The following NUSAP1 variants were observed in gnomAD, a reference collection of about 807,000 sequenced individuals.
The protein encoded by NUSAP1 is nucleolar and spindle associated protein 1.
NUSAP1 carries 32 observed loss-of-function variants against 52.8 expected under a neutral mutation model. The ratio of observed to expected loss-of-function variants is 0.61; its 90% CI spans 0.46 to 0.81. The LOEUF (loss-of-function observed/expected upper bound fraction) is 0.81. Ranked by LOEUF, NUSAP1 falls within the 40% of genes least tolerant of loss-of-function variation. NUSAP1 has a pLI of 0.00. For missense variants in NUSAP1, 499 were observed against 522.3 expected, an observed-to-expected ratio of 0.96 and a Z score of 0.43; for synonymous variants, 195 against 183.1, an observed-to-expected ratio of 1.06 and a Z score of -0.52.
rs192815121 is a variant in NUSAP1 at position 41,354,976 on chromosome 15, C to T, written c.449-1063C>T. Among the ~76,000 whole-genome samples, 1,488 of 150,250 alleles carry T rather than the reference C, an allele frequency of 9.9e-3. 13 individuals carry two copies. The highest frequency in any genetic ancestry group is 0.015 in the Non-Finnish European group (990 of 67,578). On this transcript the variant is annotated intron_variant, in intron 4 of 10. Coordinates refer to ENST00000559596, the MANE Select transcript of NUSAP1 (RefSeq NM_016359.5). ...TGGAGCTTGCAGTGAGCCGAGATCACGCCACTGCACTCCAGCCTGGGCGAA... is the reference window on the plus strand; with the variant it reads ...TGGAGCTTGCAGTGAGCCGAGATCATGCCACTGCACTCCAGCCTGGGCGAA...
chr15:41,357,756 A>C (rs1369841750), intron 5 of NUSAP1, among the ~76,000 whole-genome samples: 1 of 152,172 alleles, frequency 6.6e-6, no homozygotes, highest in Non-Finnish European at 1.5e-5. Flanking sequence ...AGTCTTAAAT[A>C]CTTTTATCTA....
At chr15:41,344,779 A>G (rs1011471837) in intron 2 of NUSAP1, among the ~76,000 whole-genome samples, 4 of 152,070 alleles carry the variant, frequency 2.6e-5, no homozygotes, top group African/African-American at 9.7e-5. Context: ...CGTCTCTACT[A>G]AAAATACAAA....
intron 6 of NUSAP1, among the ~76,000 whole-genome samples, chr15:41,364,413 G>A (rs929875646): frequency 1.3e-5 from 2 of 151,956 alleles, no homozygotes; most frequent in Non-Finnish European, 2.9e-5. Context: ...GAGTGTGGTG[G>A]TGGGTGCCTG....
intron 7 of NUSAP1, among the ~76,000 whole-genome samples, chr15:41,366,649 C>T (rs2049429968): frequency 6.6e-6 from 1 of 152,194 alleles, no homozygotes; most frequent in African/African-American, 2.4e-5. Flanking sequence ...ATTTCATTGA[C>T]TTGTCTGTAT....
chr15:41,341,547 C>T (rs941868049), intron 1 of NUSAP1, among the ~76,000 whole-genome samples: 9 of 152,136 alleles, frequency 5.9e-5, no homozygotes, highest in Admixed American at 2.0e-4. Context: ...TCTTAGGGAC[C>T]GTACCACACT....
At chr15:41,355,055 G>A (rs1466007107) in intron 4 of NUSAP1, among the ~76,000 whole-genome samples, 2 of 151,738 alleles carry the variant, frequency 1.3e-5, no homozygotes, top group Non-Finnish European at 1.5e-5. Flanking sequence ...TTGCTGTGTT[G>A]CCCAGGCTCG....
At position 41,363,099 on chromosome 15, in the gene NUSAP1, C is replaced by T. The variant is rs189925875; in HGVS notation, c.661-2303C>T. Among the ~76,000 whole-genome samples the T allele has an allele frequency of 1.6e-3, 246 of 152,056 alleles. 3 individuals carry two copies. The highest frequency in any genetic ancestry group is 5.8e-3 in the African/African-American group (240 of 41,498). ...GTCAGGAGTTCAAGACCAGCCTGCC[C>T]AACATGGCGAAACCCCGTCTGTACT... is the stretch of plus-strand genomic sequence containing the variant. On this transcript the variant is annotated intron_variant, in intron 6 of 10. Coordinates refer to ENST00000559596, the MANE Select transcript of NUSAP1 (RefSeq NM_016359.5).
intron 4 of NUSAP1, among the ~76,000 whole-genome samples, chr15:41,355,547 C>A (rs2048933698): frequency 6.6e-6 from 1 of 152,134 alleles, no homozygotes. Flanking sequence ...AAGCATATGA[C>A]CTGTAATCGT....
chr15:41,370,225 C>CA lies in NUSAP1; in HGVS notation c.849-1294dup, dbSNP rs1555431722. On this transcript the variant is annotated intron_variant, in intron 7 of 10. Transcript: ENST00000559596. ...TGAAACCCCGTCTCTACTAAAAATA[C>CA]AAAAAAAATAGCCGGGCGTAGTGGC... is the stretch of plus-strand genomic sequence containing the variant. Among the ~76,000 whole-genome samples the CA allele has an allele frequency of 1.9e-3, 291 of 151,540 alleles. 2 individuals carry two copies. The highest frequency in any genetic ancestry group is 6.7e-3 in the African/African-American group (278 of 41,318).
At chr15:41,378,303 A>G (rs1395925274) in intron 10 of NUSAP1, among the ~76,000 whole-genome samples, 2 of 152,150 alleles carry the variant, frequency 1.3e-5, no homozygotes, top group East Asian at 1.9e-4. Flanking sequence ...AAGGCCCTAT[A>G]AAGAGGAAAA....
At chr15:41,373,391 T>TA (rs1007053591) in intron 8 of NUSAP1, among the ~76,000 whole-genome samples, 3 of 147,276 alleles carry the variant, frequency 2.0e-5, no homozygotes, top group South Asian at 2.2e-4. Flanking sequence ...TCAAAAAAAT[T>TA]AAAAAAAACT....
At chr15:41,352,575 A>G (rs186436019) in intron 4 of NUSAP1, among the ~76,000 whole-genome samples, 136 of 151,730 alleles carry the variant, frequency 9.0e-4, no homozygotes, top group Admixed American at 8.0e-3. Context: ...GTAATTTTTA[A>G]TTTTTATTTA....
At chr15:41,345,280 G>A (rs771817675) in intron 2 of NUSAP1, among the ~76,000 whole-genome samples, 2 of 151,900 alleles carry the variant, frequency 1.3e-5, no homozygotes, top group Non-Finnish European at 2.9e-5. Flanking sequence ...GATTACAGAC[G>A]CTCTGCCAGT....
At chr15:41,379,767 G>A (rs1404167760) in intron 10 of NUSAP1, among the ~76,000 whole-genome samples, 2 of 151,900 alleles carry the variant, frequency 1.3e-5, no homozygotes, top group Admixed American at 6.6e-5. Flanking sequence ...GGCTGGTCTC[G>A]AACTCCTGAC....
intron 2 of NUSAP1, among the ~76,000 whole-genome samples, chr15:41,346,450 C>T (rs887530087): frequency 6.6e-6 from 1 of 152,070 alleles, no homozygotes; most frequent in Non-Finnish European, 1.5e-5. Flanking sequence ...ACTGCAGGCA[C>T]ACTCACTACA....
intron 1 of NUSAP1, among the ~76,000 whole-genome samples, chr15:41,334,596 T>A (rs1182069707): frequency 6.6e-6 from 1 of 152,218 alleles, no homozygotes; most frequent in Non-Finnish European, 1.5e-5. Flanking sequence ...TAGAATCTTT[T>A]ATCCAAGGCT....
chr15:41,365,724 CTT>C (rs757052862), intron 7 of NUSAP1, 135 bp downstream of exon 7: 4,515 of 410,246 alleles, frequency 0.011, no homozygotes, highest in South Asian at 0.02. Flanking sequence ...TTTTCTTTTT[CTT>C]TTTTTTTTTT....
intron 2 of NUSAP1, among the ~76,000 whole-genome samples, chr15:41,348,410 G>A (rs1337648798): frequency 6.6e-6 from 1 of 151,980 alleles, no homozygotes; most frequent in Non-Finnish European, 1.5e-5. Flanking sequence ...AGTAGAGATG[G>A]GGTTTTGCCA....
chr15:41,337,761 C>T (rs1296951688), intron 1 of NUSAP1, among the ~76,000 whole-genome samples: 1 of 152,072 alleles, frequency 6.6e-6, no homozygotes, highest in African/African-American at 2.4e-5. Flanking sequence ...TGATATTTCA[C>T]GCTGTCCTGC....
Sources: allele counts gnomAD v4.1 joint callset (sites outside exome capture counted in the v4.1 genomes callset), GRCh38; gene constraint gnomAD v4.1.1; transcripts MANE v1.5; gene names NCBI Gene and HGNC (gene_info 2026-07-23, HGNC 2026-07-21).